The following EPHB2 variants were observed in gnomAD, a reference collection of about 807,000 sequenced individuals.
EPHB2 encodes the protein EPH receptor B2, also known as ephrin type-B receptor 2.
In EPHB2, 18 loss-of-function variants were observed where a neutral mutation model predicts 96.4. That is an observed-to-expected ratio of 0.19 (90% CI 0.13 to 0.28). EPHB2 has a LOEUF of 0.28. Among genes scored for constraint, EPHB2 ranks in the 10% least tolerant of loss-of-function variants. The pLI is 1.00. For synonymous variants in EPHB2, 506 were observed against 534.1 expected (o/e 0.95, Z 0.72); for missense variants, 989 against 1,355.4 (o/e 0.73, Z 4.25).
At chr1:22,895,340 AG>A in intron 7 of EPHB2, 131 bp from the exon 8 acceptor site, 1 of 793,328 alleles carries the variant, frequency 1.3e-6, no homozygotes, top group Non-Finnish European at 2.2e-6. Context: ...GGCATGTAAC[AG>A]GTGCTCTGTC....
At chr1:22,804,386 C>T (rs1440661369) in intron 3 of EPHB2, among the ~76,000 whole-genome samples, 2 of 152,104 alleles carry the variant, frequency 1.3e-5, no homozygotes, top group East Asian at 1.9e-4. Context: ...CCAGCGAAGG[C>T]TGTATTAAAT....
At chr1:22,814,648 A>G (rs1352908324) in intron 3 of EPHB2, among the ~76,000 whole-genome samples, 1 of 152,172 alleles carries the variant, frequency 6.6e-6, no homozygotes, top group Non-Finnish European at 1.5e-5. Flanking sequence ...GCTTAAGGTC[A>G]CACAGCCACA....
chr1:22,766,540 G>T (rs1644309868), intron 1 of EPHB2, among the ~76,000 whole-genome samples: 1 of 152,180 alleles, frequency 6.6e-6, no homozygotes. Context: ...AGGGCGTTGT[G>T]TCCATACCTA....
At chr1:22,853,224 A>G (rs923884758) in intron 3 of EPHB2, among the ~76,000 whole-genome samples, 3 of 152,194 alleles carry the variant, frequency 2.0e-5, no homozygotes, top group African/African-American at 4.8e-5. Flanking sequence ...GTGGTGGCGG[A>G]CGCCTGTAGT....
intron 9 of EPHB2, among the ~76,000 whole-genome samples, 200 bp from the exon 10 acceptor site, chr1:22,905,787 G>A (rs2124097745): frequency 6.6e-6 from 1 of 152,302 alleles, no homozygotes; most frequent in South Asian, 2.1e-4. Context: ...GCTGGTCTCT[G>A]TTCCCCTCAC....
chr1:22,776,434 T>C (rs760974960), intron 1 of EPHB2, among the ~76,000 whole-genome samples: 1 of 152,198 alleles, frequency 6.6e-6, no homozygotes, highest in Non-Finnish European at 1.5e-5. Context: ...AGTGTGGTGA[T>C]TAATTATCTG....
intron 6 of EPHB2, among the ~76,000 whole-genome samples, chr1:22,884,588 C>G (rs1485389134): frequency 1.4e-5 from 2 of 147,878 alleles, no homozygotes; most frequent in Admixed American, 6.8e-5. Context: ...CCACTGCACT[C>G]CAGCCTGGGT....
chr1:22,798,111 T>C (rs1644792871), intron 3 of EPHB2, among the ~76,000 whole-genome samples: 1 of 152,224 alleles, frequency 6.6e-6, no homozygotes, highest in African/African-American at 2.4e-5. Flanking sequence ...TCTGTTTTGT[T>C]CACCATTGTA....
chr1:22,725,658 T>C (rs1326048762), intron 1 of EPHB2, among the ~76,000 whole-genome samples: 1 of 152,234 alleles, frequency 6.6e-6, no homozygotes. Context: ...TGGGGAGTTC[T>C]GGAGAAGCTG....
intron 9 of EPHB2, among the ~76,000 whole-genome samples, chr1:22,903,888 A>T (rs1639825626): frequency 6.6e-6 from 1 of 152,182 alleles, no homozygotes; most frequent in East Asian, 1.9e-4. Flanking sequence ...ACAGTCTTGG[A>T]TGGTGGTTCT....
chr1:22,867,440 T>A (rs1200794961), intron 5 of EPHB2, among the ~76,000 whole-genome samples: 2 of 152,128 alleles, frequency 1.3e-5, no homozygotes, highest in Admixed American at 1.3e-4. Flanking sequence ...TGTTTGGGAA[T>A]GTTGGTGGTG....
At chr1:22,722,490 A>G (rs765843713) in intron 1 of EPHB2, among the ~76,000 whole-genome samples, 15 of 152,218 alleles carry the variant, frequency 9.9e-5, no homozygotes, top group Non-Finnish European at 7.3e-5. Context: ...GACTTACTCA[A>G]GGTTACATAG....
At chr1:22,810,954 T>C (rs559839754) in intron 3 of EPHB2, among the ~76,000 whole-genome samples, 4 of 152,240 alleles carry the variant, frequency 2.6e-5, no homozygotes, top group African/African-American at 7.2e-5. Context: ...CAGGCTCTTA[T>C]TAAAACACCC....
chr1:22,900,861 G>A (rs1479698446), intron 9 of EPHB2, among the ~76,000 whole-genome samples: 1 of 152,182 alleles, frequency 6.6e-6, no homozygotes, highest in African/African-American at 2.4e-5. Context: ...AGAGGAGGAA[G>A]CTGAGGCCCA....
chr1:22,900,323 T>C lies in EPHB2; in HGVS notation c.1765+3845T>C, dbSNP rs114288902. On this transcript the variant is annotated intron_variant, in intron 9 of 15. Transcript: ENST00000374630. ...AAAAAGAAAAAGAAAGATTATAAAT[T>C]ATGTCATCCCCTCTTATTGCCCCAA... 5.5e-3 allele frequency among the ~76,000 whole-genome samples: 838 copies of C among 152,180 alleles called. 10 individuals carry two copies. Among genetic ancestry groups the C allele is most frequent in the African/African-American group, 0.019 (781 of 41,518 alleles).
At chr1:22,732,745 G>C (rs1276824892) in intron 1 of EPHB2, among the ~76,000 whole-genome samples, 2 of 152,280 alleles carry the variant, frequency 1.3e-5, no homozygotes, top group Admixed American at 1.3e-4. Context: ...CAGCTTACAA[G>C]GCGCGCTCAC....
At position 22,913,928 on chromosome 1, in the gene EPHB2, C is replaced by A; in HGVS notation, c.*358C>A. 1.3e-6 allele frequency: 2 copies of A among 1,494,458 alleles called. No homozygotes were observed. Among genetic ancestry groups the A allele is most frequent in the Non-Finnish European group, 8.9e-7 (1 of 1,123,292 alleles). The allele number at this position is 1,494,458 out of a possible 1,614,324, so 92.6% of individuals were successfully genotyped here. A position where few individuals can be genotyped will look rare whatever the true frequency, so the allele number is the denominator to read the frequency against. On this transcript the variant is annotated 3_prime_UTR_variant, in exon 16 of 16. Coordinates refer to ENST00000374630, the MANE Select transcript of EPHB2 (RefSeq NM_017449.5). The surrounding 1 kb of genome is among the most constrained non-coding windows in gnomAD (Gnocchi z 4.1). ...AATCGGAGACAAAAGCAGTTTCTCTCCAACTCCCTCTGGGAAGGTGACCTG... is the reference window on the plus strand; with the variant it reads ...AATCGGAGACAAAAGCAGTTTCTCTACAACTCCCTCTGGGAAGGTGACCTG...
At chr1:22,822,911 C>G (rs1369900842) in intron 3 of EPHB2, among the ~76,000 whole-genome samples, 1 of 152,254 alleles carries the variant, frequency 6.6e-6, no homozygotes, top group East Asian at 1.9e-4. Flanking sequence ...GAATGTAGTT[C>G]CCTCTGCGTG....
intron 3 of EPHB2, among the ~76,000 whole-genome samples, chr1:22,788,308 C>T (rs1295460086): frequency 6.6e-6 from 1 of 152,210 alleles, no homozygotes; most frequent in Non-Finnish European, 1.5e-5. Flanking sequence ...CCCTTCCACT[C>T]TCATCTTCCC....
Sources: gnomAD v4.1 joint callset for allele counts (sites outside exome capture counted in the v4.1 genomes callset) on GRCh38, gnomAD v4.1.1 for gene constraint, Gnocchi (gnomAD v3.1) non-coding constraint, MANE v1.5 for transcripts, NCBI Gene and HGNC (gene_info 2026-07-23, HGNC 2026-07-21) for gene names.